Variants in TENM3 observed in about 807,000 individuals in gnomAD.
TENM3 encodes the protein teneurin-3.
Under a neutral mutation model 255.1 loss-of-function variants are expected in TENM3, and 63 were observed. The observed-to-expected ratio is 0.25, with a 90% CI of 0.20 to 0.30. The LOEUF (loss-of-function observed/expected upper bound fraction) is 0.30. TENM3 is among the 10% of genes least tolerant of loss of function. TENM3 has a pLI of 1.00. For synonymous variants in TENM3, 1,306 were observed against 1,322.3 expected, an observed-to-expected ratio of 0.99 and a Z score of 0.27; for missense variants, 2,929 against 3,461.1, an observed-to-expected ratio of 0.85 and a Z score of 3.86.
chr4:181,759,647 A>T, the TENM3 span, among the ~76,000 whole-genome samples: 1 of 151,808 alleles, frequency 6.6e-6, no homozygotes, highest in African/African-American at 2.4e-5. Flanking sequence ...ATAAGTAAGG[A>T]CTTTGTTTGT....
chr4:181,579,792 A>G, the TENM3 span, among the ~76,000 whole-genome samples: 13 of 152,220 alleles, frequency 8.5e-5, no homozygotes, highest in Middle Eastern at 3.4e-3. Context: ...CACCTCCAGG[A>G]AGAAGAGACT....
At chr4:182,175,302 TAAAAAAA>T (rs200201122) in intron 1 of TENM3, among the ~76,000 whole-genome samples, 10 of 120,592 alleles carry the variant, frequency 8.3e-5, no homozygotes, top group Non-Finnish European at 1.2e-4. Context: ...TCTGCTTCAT[TAAAAAAA>T]AAAAAATATA....
intron 3 of TENM3, among the ~76,000 whole-genome samples, chr4:182,568,726 A>G (rs1404525549): frequency 6.6e-6 from 1 of 152,168 alleles, no homozygotes; most frequent in African/African-American, 2.4e-5. Context: ...TAAAACAGGA[A>G]ACAACTCTGA....
chr4:181,903,211 A>T, the TENM3 span, among the ~76,000 whole-genome samples: 9 of 152,024 alleles, frequency 5.9e-5, no homozygotes, highest in African/African-American at 1.9e-4. Context: ...TCTGATTTAA[A>T]AAAAAAACTC....
chr4:182,194,312 A>G lies in TENM3; in HGVS notation c.-76+49558A>G, dbSNP rs1421159954. Among the ~76,000 whole-genome samples, 6 of 152,316 alleles carry G rather than the reference A, an allele frequency of 3.9e-5. No homozygotes were observed. In the East Asian group the frequency reaches 1.2e-3, roughly 29 times the overall value. On this transcript the variant is annotated intron_variant, in intron 1 of 2. Transcript: ENST00000512480. ...ATTGGGACGAAGCTGAGTACCGCTG[A>G]AAATCACTGTGGCATTCATGCTGAT...
At chr4:182,665,530 G>A (rs1319412411) in intron 6 of TENM3, among the ~76,000 whole-genome samples, 4 of 152,122 alleles carry the variant, frequency 2.6e-5, no homozygotes, top group African/African-American at 9.7e-5. Context: ...TCGTATTTAA[G>A]AAGTACATTT....
chr4:181,761,913 A>G, the TENM3 span, among the ~76,000 whole-genome samples: 2 of 152,216 alleles, frequency 1.3e-5, no homozygotes, highest in Non-Finnish European at 2.9e-5. Flanking sequence ...TTAAATACCA[A>G]TTCAAGAAAA....
chr4:181,579,980 TTTTATTTTATTTTATTTTATTTTA>T, the TENM3 span, among the ~76,000 whole-genome samples: 1 of 135,904 alleles, frequency 7.4e-6, no homozygotes, highest in African/African-American at 2.7e-5. Flanking sequence ...TTTTATTTTA[TTTTATTTTATTTTATTTTATTTTA>T]TTTATTTTTT....
At chr4:181,609,369 CTG>C in the TENM3 span, among the ~76,000 whole-genome samples, 9 of 152,182 alleles carry the variant, frequency 5.9e-5, no homozygotes, top group Non-Finnish European at 1.3e-4. Context: ...CCACATCACT[CTG>C]TAAGCTTTTT....
chr4:182,793,934 A>T lies in TENM3; in HGVS notation c.7213+49A>T, dbSNP rs1480666381. On this transcript the variant is annotated intron_variant, in intron 26 of 27. Transcript: ENST00000511685. This position sits in a 1 kb window ranked among gnomAD's most constrained non-coding sequence, Gnocchi z 5.7. ...AGAGCTGGAGGACTACCATCATTAG[A>T]TTAATACACAAAATAACTGGAAATG... 6.8e-7 allele frequency: 1 copy of T among 1,469,428 alleles called. No individual in the cohort carries two copies. The highest frequency in any genetic ancestry group is 2.4e-5 in the Admixed American group (1 of 42,112). The allele number at this position is 1,469,428 out of a possible 1,614,324, so 91.0% of individuals were successfully genotyped here.
chr4:182,223,249 T>G (rs1755949051), intron 1 of TENM3, among the ~76,000 whole-genome samples: 1 of 152,214 alleles, frequency 6.6e-6, no homozygotes, highest in African/African-American at 2.4e-5. Context: ...TACTCCTACC[T>G]CATCTGCTGC....
chr4:182,441,042 C>A (rs921962), intron 3 of TENM3, among the ~76,000 whole-genome samples: 1 of 152,132 alleles, frequency 6.6e-6, no homozygotes, highest in Non-Finnish European at 1.5e-5. Flanking sequence ...CTTGGAATGG[C>A]TATGGCACGG....
intron 3 of TENM3, among the ~76,000 whole-genome samples, chr4:182,442,612 G>T (rs530089546): frequency 6.6e-6 from 1 of 152,144 alleles, no homozygotes; most frequent in Non-Finnish European, 1.5e-5. Flanking sequence ...TTTTTTTAGA[G>T]ATAGAGTCTT....
chr4:182,701,136 G>C (rs541364449), intron 12 of TENM3, among the ~76,000 whole-genome samples: 5 of 148,498 alleles, frequency 3.4e-5, no homozygotes, highest in Admixed American at 6.7e-5. Context: ...AATGACATAA[G>C]GTATTCATTA....
rs911376613 is a variant in TENM3, at chr4:182,792,610, G to T, written c.5938G>T (p.Val1980Leu). Residue 1980 changes from valine to leucine, a missense_variant, in exon 26 of 28, where the codon GTA (valine) becomes TTA (leucine). Transcript: ENST00000511685. This position sits in a 1 kb window ranked among gnomAD's most constrained non-coding sequence, Gnocchi z 6.3. ...YDETAGVLKT[V>L]NLQSDGFICT... Reference sequence around the variant, plus strand: ...TGAAACAGCAGGAGTCCTAAAGACAGTAAACCTCCAGAGTGATGGTTTTAT... The same window carrying T: ...TGAAACAGCAGGAGTCCTAAAGACATTAAACCTCCAGAGTGATGGTTTTAT... 4.3e-6 allele frequency: 7 copies of T among 1,613,892 alleles called. No individual in the cohort carries two copies. The highest frequency in any genetic ancestry group is 4.2e-6 in the Non-Finnish European group (5 of 1,179,884).
At chr4:182,725,712 T>C (rs991814632) in intron 13 of TENM3, among the ~76,000 whole-genome samples, 3 of 148,900 alleles carry the variant, frequency 2.0e-5, no homozygotes, top group African/African-American at 7.4e-5. Context: ...CTCGGCTCAC[T>C]GCGACCTCCA....
At chr4:182,466,667 G>C (rs1732626148) in intron 3 of TENM3, among the ~76,000 whole-genome samples, 1 of 151,822 alleles carries the variant, frequency 6.6e-6, no homozygotes, top group South Asian at 2.1e-4. Flanking sequence ...CCCTGTCTTT[G>C]GATTTAGAGC....
intron 12 of TENM3, among the ~76,000 whole-genome samples, chr4:182,703,025 C>A (rs887051896): frequency 1.3e-5 from 2 of 152,172 alleles, no homozygotes; most frequent in African/African-American, 4.8e-5. Flanking sequence ...CGTGAGCCAC[C>A]GCGCCTGGCC....
At chr4:181,512,298 G>C in the TENM3 span, among the ~76,000 whole-genome samples, 3 of 151,934 alleles carry the variant, frequency 2.0e-5, no homozygotes, top group Non-Finnish European at 4.4e-5. Flanking sequence ...AGTCTACCAC[G>C]TTCCCTTGAG....
Sources: gnomAD v4.1 joint callset for allele counts (sites outside exome capture counted in the v4.1 genomes callset) on GRCh38, gnomAD v4.1.1 for gene constraint, Gnocchi (gnomAD v3.1) non-coding constraint, MANE v1.5 for transcripts, NCBI Gene and HGNC (gene_info 2026-07-23, HGNC 2026-07-21) for gene names.